Variants in SIPA1L3 observed in about 807,000 individuals in gnomAD.
The protein encoded by SIPA1L3 is signal-induced proliferation-associated 1-like protein 3.
SIPA1L3 carries 59 observed loss-of-function variants against 150.1 expected under a neutral mutation model. The observed-to-expected ratio is 0.39, with a 90% CI of 0.32 to 0.49. The LOEUF (loss-of-function observed/expected upper bound fraction) is 0.49, where lower values mean the gene tolerates loss of function less well. Ranked by LOEUF, SIPA1L3 falls within the 20% of genes least tolerant of loss-of-function variation. The pLI, the probability that SIPA1L3 is intolerant of heterozygous loss-of-function variation, is 0.86. For missense variants in SIPA1L3, 2,211 were observed against 2,489.5 expected, an observed-to-expected ratio of 0.89 and a Z score of 2.38; for synonymous variants, 1,070 against 1,077.6, an observed-to-expected ratio of 0.99 and a Z score of 0.14.
chr19:38,079,166 A>C (rs1032545580), intron 2 of SIPA1L3, among the ~76,000 whole-genome samples: 1 of 152,170 alleles, frequency 6.6e-6, no homozygotes, highest in African/African-American at 2.4e-5. Context: ...CCCTGTCTCT[A>C]CTAAAAATAC....
At chr19:38,128,242 C>T (rs1165332168) in intron 9 of SIPA1L3, among the ~76,000 whole-genome samples, 2 of 151,604 alleles carry the variant, frequency 1.3e-5, no homozygotes, top group African/African-American at 4.8e-5. Context: ...GCACTGATCC[C>T]CTTCATGAGG....
chr19:38,057,143 C>T (rs762649422), intron 2 of SIPA1L3, among the ~76,000 whole-genome samples: 12 of 151,908 alleles, frequency 7.9e-5, no homozygotes, highest in Non-Finnish European at 1.5e-4. Flanking sequence ...TGGTAGTGGG[C>T]GCCTGTAATC....
chr19:38,084,479 A>G (rs898651388), intron 3 of SIPA1L3, among the ~76,000 whole-genome samples: 2 of 151,210 alleles, frequency 1.3e-5, no homozygotes, highest in African/African-American at 4.9e-5. Context: ...CCTGTGTGCA[A>G]AAGAGGCTGG....
At chr19:38,098,921 C>T (rs1316146342) in intron 4 of SIPA1L3, among the ~76,000 whole-genome samples, 1 of 152,196 alleles carries the variant, frequency 6.6e-6, no homozygotes, top group African/African-American at 2.4e-5. Flanking sequence ...CCCAGACCAA[C>T]CAAATTAGAA....
At position 38,162,297 on chromosome 19, in the gene SIPA1L3, G is replaced by A; in HGVS notation, c.3706G>A (p.Ala1236Thr). 6.2e-7 allele frequency: 1 copy of A among 1,614,250 alleles called. No homozygotes were observed. The highest frequency in any genetic ancestry group is 8.5e-7 in the Non-Finnish European group (1 of 1,180,048). Residue 1236 changes from alanine (A) to threonine (T), a missense_variant, in exon 14 of 22, where the codon GCC becomes ACC. Ala to Thr is a moderately conservative substitution (Grantham distance 58). Transcript: ENST00000222345. ...TGCCCAGGCCAGGCTCTCAGCCATA[G>A]CCGGAAGCAGCGGGAACAAGCACCC... ...VPAQARLSAI[A>T]GSSGNKHPSR...
intron 1 of SIPA1L3, chr19:37,964,307 G>C (rs1408666153): frequency 6.6e-6 from 1 of 152,150 alleles, no homozygotes; most frequent in Non-Finnish European, 1.5e-5. Flanking sequence ...CAGGAGGGTT[G>C]CTTGAGCCCG....
intron 1 of SIPA1L3, among the ~76,000 whole-genome samples, chr19:38,015,192 C>T (rs1968204809): frequency 6.6e-6 from 1 of 152,212 alleles, no homozygotes; most frequent in Non-Finnish European, 1.5e-5. Flanking sequence ...CATTTCCTGG[C>T]TTATACGTAT....
chr19:38,150,076 A>G (rs976428763), intron 12 of SIPA1L3, among the ~76,000 whole-genome samples: 5 of 152,190 alleles, frequency 3.3e-5, no homozygotes, highest in African/African-American at 1.2e-4. Context: ...TAAGATGAAG[A>G]TTGCTTATAG....
intron 18 of SIPA1L3, among the ~76,000 whole-genome samples, chr19:38,194,169 CT>C (rs1241960429): frequency 1.4e-5 from 2 of 142,460 alleles, no homozygotes; most frequent in Non-Finnish European, 3.1e-5. Context: ...ATTTTATTTG[CT>C]TTCCTGACTG....
Position 37,969,027 on chromosome 19 carries a change from G to A in SIPA1L3, c.-378-60062G>A, listed in dbSNP as rs183417042. On this transcript the variant is annotated intron_variant, in intron 1 of 21. Transcript: ENST00000222345. ...GGAACAGAGACAATGGCTGCTAGGGGGAAACAAATCAGTTACTCTCTAATA... is the reference window on the plus strand; with the variant it reads ...GGAACAGAGACAATGGCTGCTAGGGAGAAACAAATCAGTTACTCTCTAATA... 2.2e-3 allele frequency among the ~76,000 whole-genome samples: 336 copies of A among 152,270 alleles called. 1 individual carries two copies. The highest frequency in any genetic ancestry group is 7.7e-3 in the African/African-American group (320 of 41,530).
chr19:37,987,485 C>A (rs922174214), intron 1 of SIPA1L3, among the ~76,000 whole-genome samples: 2 of 152,190 alleles, frequency 1.3e-5, no homozygotes, highest in Admixed American at 1.3e-4. Context: ...TCAGAATTGT[C>A]CTGTGCATAT....
chr19:38,188,310 G>A (rs919862096), intron 16 of SIPA1L3, among the ~76,000 whole-genome samples: 3 of 151,742 alleles, frequency 2.0e-5, no homozygotes, highest in African/African-American at 7.3e-5. Flanking sequence ...TCAGCCTCCC[G>A]AGTAGCTGGG....
In SIPA1L3 at chr19:38,082,118, G is replaced by C; in HGVS notation, c.553G>C (p.Gly185Arg). ...CAGCGAGTGTGACGCGGAGGACGCG[G>C]GGGAGCCGCGGGGGGCCCGGCACAC... ...TLSECDAEDAGEPRGARHTGA... is the reference protein window; with the variant it reads ...TLSECDAEDAREPRGARHTGA... Residue 185 changes from glycine (G) to arginine (R), a missense_variant, in exon 3 of 22, where the codon GGG (glycine) becomes CGG (arginine). Around this residue, in one of 5 missense-constraint regions of SIPA1L3, gnomAD observed 587 missense variants for 534.5 expected, o/e 1.10. Coordinates refer to ENST00000222345, the MANE Select transcript of SIPA1L3 (RefSeq NM_015073.3). 6.2e-7 allele frequency: 1 copy of C among 1,607,022 alleles called. No homozygotes were observed. Among genetic ancestry groups the C allele is most frequent in the South Asian group, 1.1e-5 (1 of 90,986 alleles).
At position 38,081,590 on chromosome 19, in the gene SIPA1L3, A is replaced by T. The variant is rs775399499; in HGVS notation, c.25A>T (p.Ser9Cys). 5.0e-6 allele frequency: 8 copies of T among 1,594,286 alleles called. No homozygotes were observed. In the African/African-American group the frequency reaches 1.1e-4, roughly 21 times the overall value. MTTYRAIP[S>C]DGVDLAASCG... ...TATGACCACCTATCGGGCCATCCCC[A>T]GCGATGGTGTGGACCTGGCAGCCAG... Residue 9 changes from serine to cysteine, a missense_variant, in exon 3 of 22, where the codon AGC (serine) becomes TGC (cysteine). Ser to Cys is a moderately radical substitution (Grantham distance 112). This residue lies in a region of SIPA1L3 where 130 missense variants were observed against 174.5 expected (regional missense o/e 0.74). Coordinates refer to ENST00000222345, the MANE Select transcript of SIPA1L3 (RefSeq NM_015073.3).
chr19:37,981,729 C>T (rs1202219267), intron 1 of SIPA1L3, among the ~76,000 whole-genome samples: 1 of 152,142 alleles, frequency 6.6e-6, no homozygotes, highest in Non-Finnish European at 1.5e-5. Flanking sequence ...TGCAGGACAC[C>T]TTCCCGCAAA....
chr19:38,041,103 T>C (rs1195870139), intron 2 of SIPA1L3, among the ~76,000 whole-genome samples: 3 of 121,512 alleles, frequency 2.5e-5, no homozygotes, highest in South Asian at 5.3e-4. Context: ...TATTTTATTA[T>C]TATTACTTTT....
At chr19:38,200,048 G>A (rs1973050133) in intron 19 of SIPA1L3, 1 of 151,982 alleles carries the variant, frequency 6.6e-6, no homozygotes, top group South Asian at 2.1e-4. Context: ...GGGCATCGTA[G>A]CGACACCCTG....
In SIPA1L3 at chr19:38,164,703, C is replaced by G; in HGVS notation, c.4005C>G (p.His1335Gln). 1 of 1,614,130 alleles carries G rather than the reference C, an allele frequency of 6.2e-7. No individual in the cohort carries two copies. Among genetic ancestry groups the G allele is most frequent in the Non-Finnish European group, 8.5e-7 (1 of 1,180,004 alleles). The change falls in exon 15 of 22, where the codon CAC (histidine) becomes CAG (glutamine). Residue 1335 changes from histidine (H) to glutamine (Q), a missense_variant. His to Gln is a conservative substitution (Grantham distance 24). Coordinates refer to ENST00000222345, the MANE Select transcript of SIPA1L3 (RefSeq NM_015073.3). This position sits in a 1 kb window ranked among gnomAD's most constrained non-coding sequence, Gnocchi z 4.1. ...LAKAPRPAKP[H>Q]KPPGSMGLCG... ...AGGCTCCACGGCCCGCCAAGCCACA[C>G]AAGCCCCCTGGAAGTATGGGCCTTT... is the stretch of plus-strand genomic sequence containing the variant.
chr19:37,937,741 CAAAAAAAAA>C (rs34881450), intron 1 of SIPA1L3, among the ~76,000 whole-genome samples: 13 of 18,676 alleles, frequency 7.0e-4, no homozygotes, highest in Admixed American at 5.9e-3. Flanking sequence ...AACCCTGTCT[CAAAAAAAAA>C]AAAAAAAAAA....
Sources: allele counts gnomAD v4.1 joint callset (sites outside exome capture counted in the v4.1 genomes callset), GRCh38; gene constraint gnomAD v4.1.1; regional missense constraint gnomAD v4.1.1; non-coding constraint Gnocchi (gnomAD v3.1); transcripts MANE v1.5; gene names NCBI Gene and HGNC (gene_info 2026-07-23, HGNC 2026-07-21).